Variants in NOS1AP observed in about 807,000 individuals in gnomAD.
NOS1AP encodes carboxyl-terminal PDZ ligand of neuronal nitric oxide synthase protein.
Under a neutral mutation model 56.2 loss-of-function variants are expected in NOS1AP, and 21 were observed. The ratio of observed to expected loss-of-function variants is 0.37; its 90% CI spans 0.26 to 0.54. NOS1AP has a LOEUF of 0.54. Ranked by LOEUF, NOS1AP falls within the 20% of genes least tolerant of loss-of-function variation. NOS1AP has a pLI of 0.84. For synonymous variants in NOS1AP, 270 were observed against 274.6 expected (o/e 0.98, Z 0.17); for missense variants, 522 against 657.8 (o/e 0.79, Z 2.26).
intron 2 of NOS1AP, among the ~76,000 whole-genome samples, chr1:162,189,130 T>C (rs1651537953): frequency 6.6e-6 from 1 of 152,220 alleles, no homozygotes; most frequent in Non-Finnish European, 1.5e-5. Flanking sequence ...GAATTTGCAT[T>C]ATAGTATATG....
intron 2 of NOS1AP, among the ~76,000 whole-genome samples, chr1:162,250,723 T>C (rs1306091955): frequency 1.3e-5 from 2 of 152,194 alleles, no homozygotes; most frequent in Non-Finnish European, 1.5e-5. Context: ...TTGTTACATT[T>C]TTTTAAACAA....
intron 2 of NOS1AP, among the ~76,000 whole-genome samples, chr1:162,205,725 T>C (rs1300220528): frequency 1.3e-5 from 2 of 152,216 alleles, no homozygotes; most frequent in Non-Finnish European, 2.9e-5. Context: ...GCTGTCTTGC[T>C]GTAGATCAGG....
intron 4 of NOS1AP, among the ~76,000 whole-genome samples, chr1:162,322,004 C>G (rs773894188): frequency 2.0e-4 from 31 of 152,084 alleles, no homozygotes; most frequent in Admixed American, 7.2e-4. Context: ...CAAACTCCAG[C>G]CTTGCGCAAT....
At chr1:162,283,312 T>A (rs913912403) in intron 2 of NOS1AP, among the ~76,000 whole-genome samples, 10 of 152,120 alleles carry the variant, frequency 6.6e-5, no homozygotes, top group Admixed American at 6.5e-4. Context: ...AGGAAGTAAT[T>A]CTATTCCTTC....
intron 1 of NOS1AP, among the ~76,000 whole-genome samples, chr1:162,079,994 C>G (rs896973782): frequency 2.0e-5 from 3 of 152,116 alleles, no homozygotes; most frequent in Non-Finnish European, 4.4e-5. Context: ...TTGTTCCAGC[C>G]CTTTAATCCT....
At chr1:162,181,726 T>C (rs1178801523) in intron 2 of NOS1AP, among the ~76,000 whole-genome samples, 2 of 152,186 alleles carry the variant, frequency 1.3e-5, no homozygotes, top group East Asian at 3.9e-4. Flanking sequence ...GGGCACTTCC[T>C]TTGTAGGATG....
intron 1 of NOS1AP, among the ~76,000 whole-genome samples, chr1:162,074,730 T>C (rs527406624): frequency 6.6e-6 from 1 of 152,308 alleles, no homozygotes; most frequent in East Asian, 1.9e-4. Flanking sequence ...CTGTTGCTTA[T>C]GGCGTTGACT....
At chr1:162,091,905 G>C (rs548586724) in intron 1 of NOS1AP, among the ~76,000 whole-genome samples, 1 of 152,164 alleles carries the variant, frequency 6.6e-6, no homozygotes, top group Non-Finnish European at 1.5e-5. Context: ...GGGCAAGGTG[G>C]GGTGGTCTGC....
At chr1:162,200,109 A>G (rs943539171) in intron 2 of NOS1AP, among the ~76,000 whole-genome samples, 4 of 152,242 alleles carry the variant, frequency 2.6e-5, no homozygotes, top group Non-Finnish European at 5.9e-5. Context: ...ATTACTGGCT[A>G]TTGGCCATCC....
chr1:162,270,857 T>G (rs4130706), intron 2 of NOS1AP, among the ~76,000 whole-genome samples: 22,065 of 152,200 alleles, frequency 0.14, 2,270 homozygotes, highest in East Asian at 0.43. Context: ...CAGAGGTTGG[T>G]TGGCATATCT....
intron 2 of NOS1AP, among the ~76,000 whole-genome samples, chr1:162,172,937 T>TTC (rs1650866828): frequency 6.6e-6 from 1 of 150,908 alleles, no homozygotes; most frequent in South Asian, 2.1e-4. Flanking sequence ...AGGTTTTTTT[T>TTC]TTGTGATGGG....
chr1:162,331,822 C>T (rs1456410864), intron 4 of NOS1AP, among the ~76,000 whole-genome samples: 1 of 151,402 alleles, frequency 6.6e-6, no homozygotes, highest in African/African-American at 2.4e-5. Context: ...GCAGTCAGAC[C>T]TGGAGGCCCT....
intron 3 of NOS1AP, among the ~76,000 whole-genome samples, chr1:162,291,870 A>T (rs759107523): frequency 6.6e-6 from 1 of 152,184 alleles, no homozygotes; most frequent in Non-Finnish European, 1.5e-5. Context: ...TTTTCCATGT[A>T]TATGTAATGA....
At chr1:162,168,702 C>T (rs1650623085) in intron 2 of NOS1AP, among the ~76,000 whole-genome samples, 1 of 152,190 alleles carries the variant, frequency 6.6e-6, no homozygotes. Flanking sequence ...TTTCTTTCTT[C>T]CTCCTTCCCT....
intron 2 of NOS1AP, among the ~76,000 whole-genome samples, chr1:162,263,136 A>T (rs1654292505): frequency 6.6e-6 from 1 of 152,242 alleles, no homozygotes; most frequent in Non-Finnish European, 1.5e-5. Flanking sequence ...CTTGGTAGGA[A>T]AAAAATCCCT....
At chr1:162,142,813 G>A (rs573459866) in intron 1 of NOS1AP, among the ~76,000 whole-genome samples, 20 of 152,302 alleles carry the variant, frequency 1.3e-4, no homozygotes, top group South Asian at 2.1e-4. Context: ...AGTGATGTAT[G>A]TAAAGGTTAT....
intron 4 of NOS1AP, among the ~76,000 whole-genome samples, chr1:162,325,980 G>A (rs1436319064): frequency 1.3e-5 from 2 of 151,996 alleles, no homozygotes; most frequent in Non-Finnish European, 2.9e-5. Flanking sequence ...TTCTAAGTTT[G>A]TTTCCACAGT....
Position 162,235,861 on chromosome 1 carries a change from G to C in NOS1AP, c.178-51483G>C, listed in dbSNP as rs1373425813. 2.0e-5 allele frequency among the ~76,000 whole-genome samples: 3 copies of C among 152,206 alleles called. No homozygotes were observed. The East Asian group carries it at 5.8e-4, about 29-fold the overall frequency. On this transcript the variant is annotated intron_variant, in intron 2 of 9. Transcript: ENST00000361897. ...CATCCATGTGTTTAGATCATTTGCT[G>C]ATACTTGTCGCATCAGTTGGATAAA... is the stretch of plus-strand genomic sequence containing the variant.
chr1:162,138,637 A>C (rs1332601114), intron 1 of NOS1AP, among the ~76,000 whole-genome samples: 1 of 152,110 alleles, frequency 6.6e-6, no homozygotes, highest in Non-Finnish European at 1.5e-5. Flanking sequence ...GGCCATCCAG[A>C]AGGACTGAGC....
Sources: allele counts gnomAD v4.1 joint callset (sites outside exome capture counted in the v4.1 genomes callset), GRCh38; gene constraint gnomAD v4.1.1; transcripts MANE v1.5; gene names NCBI Gene and HGNC (gene_info 2026-07-23, HGNC 2026-07-21).